Variants in RBM20 observed in about 807,000 individuals in gnomAD.
RBM20 encodes the protein RNA-binding protein 20.
In RBM20, 51 loss-of-function variants were observed where a neutral mutation model predicts 110.1. The ratio of observed to expected loss-of-function variants is 0.46; its 90% CI spans 0.37 to 0.59. The LOEUF (loss-of-function observed/expected upper bound fraction) is 0.59. RBM20 is among the 20% of genes least tolerant of loss of function. The pLI is 0.00. For synonymous variants in RBM20, 589 were observed against 618.2 expected (o/e 0.95, Z 0.70); for missense variants, 1,512 against 1,574.9 (o/e 0.96, Z 0.68).
chr10:110,652,453 AT>A (rs1269959693), intron 1 of RBM20, among the ~76,000 whole-genome samples: 3 of 152,068 alleles, frequency 2.0e-5, no homozygotes, highest in Non-Finnish European at 4.4e-5. Flanking sequence ...CAATAAAACT[AT>A]TTTTTTCTTT....
At chr10:110,811,237 C>T (rs1844764012) in intron 8 of RBM20, among the ~76,000 whole-genome samples, 1 of 152,140 alleles carries the variant, frequency 6.6e-6, no homozygotes, top group Non-Finnish European at 1.5e-5. Flanking sequence ...GCAGCCTGGT[C>T]CTAGCAAGAT....
chr10:110,700,719 T>C (rs1019678723), intron 1 of RBM20, among the ~76,000 whole-genome samples: 3 of 151,978 alleles, frequency 2.0e-5, no homozygotes, highest in African/African-American at 7.3e-5. Flanking sequence ...GGGCAACAAA[T>C]AAAAACCCTC....
rs1844910564 is a variant in RBM20, at chr10:110,821,579, C to T, written c.2960C>T (p.Ala987Val). Residue 987 changes from alanine (A) to valine (V), a missense_variant, in exon 11 of 14, where the codon GCT becomes GTT. This residue lies in a region of RBM20 where 358 missense variants were observed against 384.2 expected (regional missense o/e 0.93). Transcript: ENST00000369519. ...SLKSPRELPS[A>V]STSCPSDMDV... The stretch of plus-strand genomic sequence containing the variant: ...AAGTCACCCAGAGAACTGCCCTCTG[C>T]TTCCACAAGCTGTCCCAGTGACATG... The T allele has an allele frequency of 6.4e-7, 1 of 1,550,596 alleles. No homozygotes were observed. Among genetic ancestry groups the T allele is most frequent in the African/African-American group, 1.4e-5 (1 of 73,036 alleles).
At chr10:110,737,041 G>T (rs1843677801) in intron 1 of RBM20, among the ~76,000 whole-genome samples, 1 of 151,714 alleles carries the variant, frequency 6.6e-6, no homozygotes, top group Non-Finnish European at 1.5e-5. Flanking sequence ...GCCGGGCATG[G>T]TGTTGCGCGC....
At chr10:110,762,964 G>T (rs1844026170) in intron 1 of RBM20, among the ~76,000 whole-genome samples, 2 of 152,248 alleles carry the variant, frequency 1.3e-5, no homozygotes, top group African/African-American at 4.8e-5. Context: ...AGAAGAGAAA[G>T]GCAGCCACGG....
rs79922681 is a variant in RBM20 at position 110,749,090 on chromosome 10, A to G, written c.192-31711A>G. On this transcript the variant is annotated intron_variant, in intron 1 of 13. Coordinates refer to ENST00000369519, the MANE Select transcript of RBM20 (RefSeq NM_001134363.3). ...TGGGAAAACCTTAGAAGCATTCCCA[A>G]TTACAGTCAGAAATAAGATAAGAGA... Among the ~76,000 whole-genome samples, 666 of 152,366 alleles carry G rather than the reference A, an allele frequency of 4.4e-3. 3 individuals are homozygous for G. Among genetic ancestry groups the G allele is most frequent in the Non-Finnish European group, 7.1e-3 (484 of 68,034 alleles).
In RBM20 at chr10:110,781,615, G is replaced by T; in HGVS notation, c.1006G>T (p.Gly336Cys). 1 of 1,550,830 alleles carries T rather than the reference G, an allele frequency of 6.4e-7. No individual in the cohort carries two copies. The highest frequency in any genetic ancestry group is 8.7e-7 in the Non-Finnish European group (1 of 1,146,296). Residue 336 changes from glycine to cysteine, a missense_variant, in exon 2 of 14, where the codon GGT becomes TGT. This residue lies in a region of RBM20 where 1,149 missense variants were observed against 1,169.4 expected (regional missense o/e 0.98). Coordinates refer to ENST00000369519, the MANE Select transcript of RBM20 (RefSeq NM_001134363.3). ...SGQSKPDLTA[G>C]PMWPPPHNQP... ...CCAAAGCAAGCCTGATCTCACAGCA[G>T]GTCCCATGTGGCCTCCACCCCACAA...
intron 1 of RBM20, among the ~76,000 whole-genome samples, chr10:110,730,916 C>A (rs762795390): frequency 5.3e-4 from 80 of 152,188 alleles, no homozygotes; most frequent in Non-Finnish European, 9.4e-4. Context: ...GTCAAGCCGC[C>A]CCCCATCCTG....
rs933277139 is a variant in RBM20, at chr10:110,820,302, A to G, written c.2655+126A>G. The G allele has an allele frequency of 3.0e-5, 19 of 627,948 alleles. 1 individual carries two copies. In the African/African-American group the frequency reaches 3.1e-4, roughly 10 times the overall value. 38.9% of individuals were successfully genotyped at this position (627,948 alleles called of 1,614,324 possible). On this transcript the variant is annotated intron_variant, in intron 10 of 13. Coordinates refer to ENST00000369519, the MANE Select transcript of RBM20 (RefSeq NM_001134363.3). ...ACCCCACCATTAGTTCCATGAATGA[A>G]CCAGTCCTCCTAGCGCTACTTTGGA...
chr10:110,669,284 C>T (rs908295362), intron 1 of RBM20, among the ~76,000 whole-genome samples: 2 of 151,982 alleles, frequency 1.3e-5, no homozygotes, highest in Non-Finnish European at 2.9e-5. Flanking sequence ...TGTGGCAAGT[C>T]TGTATGCGTG....
chr10:110,772,819 A>G (rs950678400), intron 1 of RBM20, among the ~76,000 whole-genome samples: 5 of 152,248 alleles, frequency 3.3e-5, no homozygotes, highest in Non-Finnish European at 7.3e-5. Context: ...TATAATTATC[A>G]TATTTTCCAG....
intron 5 of RBM20, among the ~76,000 whole-genome samples, chr10:110,797,014 T>C (rs562832054): frequency 7.2e-5 from 11 of 152,370 alleles, no homozygotes; most frequent in Middle Eastern, 3.4e-3. Flanking sequence ...CTGTATACTT[T>C]GTTTTATTTA....
chr10:110,687,995 T>TTGTGTGTGTGTGTGTG (rs60479740), intron 1 of RBM20, among the ~76,000 whole-genome samples: 35 of 145,482 alleles, frequency 2.4e-4, no homozygotes, highest in African/African-American at 8.4e-4. Context: ...CTAAATGGTT[T>TTGTGTGTGTGTGTGTG]TGTGTGTGTG....
intron 1 of RBM20, among the ~76,000 whole-genome samples, chr10:110,666,015 GA>G (rs1297089833): frequency 6.2e-5 from 9 of 146,258 alleles, no homozygotes; most frequent in African/African-American, 2.0e-4. Flanking sequence ...GAGAGAGAGA[GA>G]GGGGAAGGAA....
At chr10:110,768,075 C>G (rs908097237) in intron 1 of RBM20, among the ~76,000 whole-genome samples, 2 of 152,232 alleles carry the variant, frequency 1.3e-5, no homozygotes, top group African/African-American at 2.4e-5. Flanking sequence ...CAAAAAAATA[C>G]GAAAACCAGT....
At chr10:110,676,545 G>A (rs779659470) in intron 1 of RBM20, among the ~76,000 whole-genome samples, 12 of 152,210 alleles carry the variant, frequency 7.9e-5, no homozygotes, top group Non-Finnish European at 1.3e-4. Flanking sequence ...TTACACTTGC[G>A]TTCCTGCACA....
chr10:110,831,977 A>G (rs751275924), intron 13 of RBM20, among the ~76,000 whole-genome samples: 1 of 152,240 alleles, frequency 6.6e-6, no homozygotes, highest in Admixed American at 6.5e-5. Context: ...TTTGGTACCA[A>G]CTAGAAAAAA....
chr10:110,730,551 C>T (rs1270424159), intron 1 of RBM20, among the ~76,000 whole-genome samples: 1 of 152,254 alleles, frequency 6.6e-6, no homozygotes, highest in Admixed American at 6.5e-5. Context: ...CTCGTCCTGG[C>T]TGTGCTATTG....
intron 4 of RBM20, 61 bp from the exon 5 acceptor site, chr10:110,784,731 A>G: frequency 9.2e-7 from 1 of 1,085,072 alleles, no homozygotes. Flanking sequence ...CTTATGTCCT[A>G]ATAATGACTT....
Sources: gnomAD v4.1 joint callset for allele counts (sites outside exome capture counted in the v4.1 genomes callset) on GRCh38, gnomAD v4.1.1 for gene constraint, gnomAD v4.1.1 regional missense constraint, MANE v1.5 for transcripts, NCBI Gene and HGNC (gene_info 2026-07-23, HGNC 2026-07-21) for gene names.